Variants in BTRC observed in about 807,000 individuals in gnomAD.
The protein encoded by BTRC is F-box/WD repeat-containing protein 1A.
A neutral mutation model predicts 85.5 loss-of-function variants in BTRC; 42 were observed. The ratio of observed to expected loss-of-function variants is 0.49; its 90% CI spans 0.38 to 0.64. The LOEUF is 0.64. Ranked by LOEUF, BTRC falls within the 30% of genes least tolerant of loss-of-function variation. BTRC has a pLI of 0.00. For synonymous variants in BTRC, 255 were observed against 263.3 expected, an observed-to-expected ratio of 0.97 and a Z score of 0.30; for missense variants, 594 against 743.5, an observed-to-expected ratio of 0.80 and a Z score of 2.34.
intron 1 of BTRC, among the ~76,000 whole-genome samples, chr10:101,415,185 G>A (rs1395240504): frequency 7.8e-6 from 1 of 128,560 alleles, no homozygotes; most frequent in South Asian, 2.4e-4. Context: ...TTATCTTTTT[G>A]TCTTTTTTTT....
intron 1 of BTRC, among the ~76,000 whole-genome samples, chr10:101,422,271 T>C (rs541575299): frequency 6.6e-6 from 1 of 152,364 alleles, no homozygotes; most frequent in African/African-American, 2.4e-5. Flanking sequence ...AATGTCTTCT[T>C]CTGAGAAGTG....
intron 2 of BTRC, among the ~76,000 whole-genome samples, chr10:101,459,501 T>G (rs933647038): frequency 1.3e-5 from 2 of 152,214 alleles, no homozygotes; most frequent in African/African-American, 4.8e-5. Context: ...GTTGGATTTT[T>G]TGTTTGATTT....
At chr10:101,442,117 C>T (rs1195100162) in intron 2 of BTRC, among the ~76,000 whole-genome samples, 2 of 152,052 alleles carry the variant, frequency 1.3e-5, no homozygotes, top group Non-Finnish European at 2.9e-5. Flanking sequence ...CATAATGTAG[C>T]GGCATATCAG....
At chr10:101,467,345 TC>T (rs1945404762) in intron 3 of BTRC, among the ~76,000 whole-genome samples, 7 of 145,906 alleles carry the variant, frequency 4.8e-5, no homozygotes, top group South Asian at 2.2e-4. Context: ...TTTTTTTTTT[TC>T]TCTCTATTTG....
At chr10:101,412,895 AATAG>A (rs1230033011) in intron 1 of BTRC, among the ~76,000 whole-genome samples, 3 of 152,338 alleles carry the variant, frequency 2.0e-5, no homozygotes, top group East Asian at 1.9e-4. Context: ...ATTTTATAGA[AATAG>A]ATAATCAAAA....
rs1471017781 is a variant in BTRC at position 101,389,115 on chromosome 10, G to GTTTTTTTTTTTTTTTTTTT, written c.48+34888_48+34889insTTTTTTTTTTTTTTTTTTT. Among the ~76,000 whole-genome samples the GTTTTTTTTTTTTTTTTTTT allele has an allele frequency of 2.5e-4, 9 of 35,470 alleles. 2 individuals carry two copies. Among genetic ancestry groups the GTTTTTTTTTTTTTTTTTTT allele is most frequent in the Admixed American group, 6.7e-4 (2 of 2,984 alleles). 23.3% of individuals were successfully genotyped at this position (35,470 alleles called of 152,430 possible). Reference sequence around the variant, plus strand: ...ATGTTGCATAATTGTGATTTTTTGTGTGTGTTTTTTTTTTTTTTTTTTTTT... The same window carrying GTTTTTTTTTTTTTTTTTTT: ...ATGTTGCATAATTGTGATTTTTTGTGTTTTTTTTTTTTTTTTTTTTGTGTTTTTTTTTTTTTTTTTTTTT... On this transcript the variant is annotated intron_variant, in intron 1 of 14. Transcript: ENST00000370187.
chr10:101,485,884 G>A (rs934705430), intron 4 of BTRC, among the ~76,000 whole-genome samples: 1 of 152,214 alleles, frequency 6.6e-6, no homozygotes, highest in African/African-American at 2.4e-5. Flanking sequence ...TCTTCATCAA[G>A]AATTGACTGC....
chr10:101,520,135 TTTTG>T (rs111689841), intron 4 of BTRC, among the ~76,000 whole-genome samples: 78 of 151,154 alleles, frequency 5.2e-4, no homozygotes, highest in African/African-American at 1.1e-3. Flanking sequence ...TTTGCTTGTA[TTTTG>T]TTTGTTTGTT....
intron 2 of BTRC, among the ~76,000 whole-genome samples, chr10:101,434,935 T>C (rs980046393): frequency 7.9e-5 from 12 of 152,044 alleles, no homozygotes; most frequent in Non-Finnish European, 1.6e-4. Context: ...GCACCTGGCC[T>C]CAACAAGATT....
chr10:101,413,868 A>G (rs979996553), intron 1 of BTRC, among the ~76,000 whole-genome samples: 8 of 151,914 alleles, frequency 5.3e-5, no homozygotes, highest in Middle Eastern at 3.2e-3. Flanking sequence ...TTAGATTCCA[A>G]TTTTCTGGTG....
chr10:101,455,983 A>ACACACACACACACACAC (rs1554881061), intron 2 of BTRC, among the ~76,000 whole-genome samples: 121 of 96,034 alleles, frequency 1.3e-3, no homozygotes, highest in Non-Finnish European at 1.8e-3. Flanking sequence ...CTCTACTAAA[A>ACACACACACACACACAC]ACACACACAC....
At chr10:101,415,485 T>TG (rs1457313733) in intron 1 of BTRC, among the ~76,000 whole-genome samples, 8 of 5,108 alleles carry the variant, frequency 1.6e-3, no homozygotes, top group Admixed American at 4.4e-3. Context: ...TTTTATTTTA[T>TG]TTTATGTTAT....
chr10:101,389,115 G>GTTTTTTTTTTTTTTT lies in BTRC; in HGVS notation c.48+34888_48+34889insTTTTTTTTTTTTTTT, dbSNP rs1471017781. ...ATGTTGCATAATTGTGATTTTTTGT[G>GTTTTTTTTTTTTTTT]TGTGTTTTTTTTTTTTTTTTTTTTT... On this transcript the variant is annotated intron_variant, in intron 1 of 14. Transcript: ENST00000370187. Among the ~76,000 whole-genome samples the GTTTTTTTTTTTTTTT allele has an allele frequency of 6.5e-4, 23 of 35,462 alleles. 7 individuals carry two copies. The highest frequency in any genetic ancestry group is 0.019 in the Middle Eastern group (1 of 54). The allele number at this position is 35,462 out of a possible 152,430, so 23.3% of individuals were successfully genotyped here.
Position 101,390,546 on chromosome 10 carries a change from A to G in BTRC, c.48+36318A>G, listed in dbSNP as rs982165153. Among the ~76,000 whole-genome samples, 39 of 152,088 alleles carry G rather than the reference A, an allele frequency of 2.6e-4. 1 individual carries two copies. The highest frequency in any genetic ancestry group is 2.4e-3 in the Admixed American group (37 of 15,282). Reference sequence around the variant, plus strand: ...ACGGGGTTTCACCATGTTAGCCAGGATGGTCTCAACCTCCTGACCTCGTGA... The same window carrying G: ...ACGGGGTTTCACCATGTTAGCCAGGGTGGTCTCAACCTCCTGACCTCGTGA... On this transcript the variant is annotated intron_variant, in intron 1 of 14. Coordinates refer to ENST00000370187, the MANE Select transcript of BTRC (RefSeq NM_033637.4).
intron 3 of BTRC, among the ~76,000 whole-genome samples, chr10:101,471,037 G>A (rs1405325609): frequency 6.6e-6 from 1 of 152,094 alleles, no homozygotes; most frequent in Non-Finnish European, 1.5e-5. Flanking sequence ...TAGACAAGGC[G>A]GACAAGAAAA....
chr10:101,376,332 A>G (rs1326502945), intron 1 of BTRC, among the ~76,000 whole-genome samples: 3 of 152,182 alleles, frequency 2.0e-5, no homozygotes, highest in African/African-American at 7.2e-5. Context: ...CTCAACAACA[A>G]CAACAACAAG....
At chr10:101,430,531 C>A in intron 2 of BTRC, 79 bp downstream of exon 2, 1 of 1,090,040 alleles carries the variant, frequency 9.2e-7, no homozygotes, top group Non-Finnish European at 1.4e-6. Context: ...TCCTCCTTTC[C>A]CATACTTTAC....
chr10:101,478,015 A>T (rs1404206783), intron 3 of BTRC, among the ~76,000 whole-genome samples: 2 of 152,116 alleles, frequency 1.3e-5, no homozygotes, highest in Admixed American at 1.3e-4. Context: ...TAAGGTCTAG[A>T]TAGGCCCAGT....
chr10:101,531,651 G>A (rs1461294036), intron 7 of BTRC, among the ~76,000 whole-genome samples: 3 of 152,022 alleles, frequency 2.0e-5, no homozygotes, highest in South Asian at 2.1e-4. Flanking sequence ...AACCTGGGAG[G>A]CACATGTTGC....
Sources: allele counts gnomAD v4.1 joint callset (sites outside exome capture counted in the v4.1 genomes callset), GRCh38; gene constraint gnomAD v4.1.1; transcripts MANE v1.5; gene names NCBI Gene and HGNC (gene_info 2026-07-23, HGNC 2026-07-21).